RTN4RL1: variants seen among roughly 807,000 people sequenced by gnomAD.
RTN4RL1 encodes the protein reticulon 4 receptor like 1.
Under a neutral mutation model 25.6 loss-of-function variants are expected in RTN4RL1, and 7 were observed. The observed-to-expected ratio is 0.27, with a 90% CI of 0.16 to 0.51. RTN4RL1 has a LOEUF of 0.51. Ranked by LOEUF, RTN4RL1 falls within the 20% of genes least tolerant of loss-of-function variation. RTN4RL1 has a pLI of 0.97. For synonymous variants in RTN4RL1, 297 were observed against 288.2 expected, an observed-to-expected ratio of 1.03 and a Z score of -0.31; for missense variants, 500 against 615.6, an observed-to-expected ratio of 0.81 and a Z score of 1.99.
intron 1 of RTN4RL1, among the ~76,000 whole-genome samples, chr17:1,978,636 G>GT (rs2066853865): frequency 2.0e-5 from 3 of 152,090 alleles, no homozygotes; most frequent in Admixed American, 2.0e-4. Context: ...CGGAAAATGG[G>GT]GGGGGTGGAG....
chr17:1,970,078 A>C (rs7223572), intron 1 of RTN4RL1, among the ~76,000 whole-genome samples: 52 of 148,780 alleles, frequency 3.5e-4, no homozygotes, highest in Middle Eastern at 3.5e-3. Flanking sequence ...CTGGAGTGCA[A>C]TGGCGCAATC....
intron 1 of RTN4RL1, among the ~76,000 whole-genome samples, chr17:2,001,881 C>G (rs1024271213): frequency 2.6e-5 from 4 of 152,150 alleles, no homozygotes; most frequent in African/African-American, 9.7e-5. Context: ...GCAGCATCAG[C>G]TCCCCCCGTC....
intron 1 of RTN4RL1, among the ~76,000 whole-genome samples, chr17:1,999,680 C>CA (rs386385438): frequency 0.039 from 5,875 of 151,576 alleles, 193 homozygotes; most frequent in African/African-American, 0.09. Flanking sequence ...CATGCCCCCC[C>CA]CACACACACA....
chr17:2,000,166 G>A (rs1481753183), intron 1 of RTN4RL1, among the ~76,000 whole-genome samples: 2 of 152,248 alleles, frequency 1.3e-5, no homozygotes, highest in Admixed American at 1.3e-4. Context: ...AGCAGCCACC[G>A]CTGCCCCAGG....
intron 1 of RTN4RL1, among the ~76,000 whole-genome samples, chr17:2,009,495 G>A (rs1330957142): frequency 1.6e-5 from 2 of 122,972 alleles, no homozygotes; most frequent in African/African-American, 6.3e-5. Context: ...GAGAGGCTGA[G>A]GTAGGAGAAT....
intron 1 of RTN4RL1, among the ~76,000 whole-genome samples, chr17:2,024,293 C>T (rs2067246694): frequency 6.6e-6 from 1 of 152,220 alleles, no homozygotes; most frequent in African/African-American, 2.4e-5. Context: ...CAGGCGCTGG[C>T]CGCTCCCCAC....
chr17:1,994,068 G>A lies in RTN4RL1; in HGVS notation c.13+30785C>T, dbSNP rs1042519604. Among the ~76,000 whole-genome samples, 7 of 151,904 alleles carry A rather than the reference G, an allele frequency of 4.6e-5. No individual in the cohort carries two copies. The highest frequency in any genetic ancestry group is 1.5e-4 in the African/African-American group (6 of 41,318). On this transcript the variant is annotated intron_variant, in intron 1 of 1. Coordinates refer to ENST00000331238, the MANE Select transcript of RTN4RL1 (RefSeq NM_178568.4). This position sits in a 1 kb window ranked among gnomAD's most constrained non-coding sequence, Gnocchi z 4.3. ...ACCCCCGGCTACGCTGAACCACCCC[G>A]TTCCTCAGGACACGTGCACTCGAAC... is the stretch of plus-strand genomic sequence containing the variant.
At chr17:2,007,848 A>T (rs1011662051) in intron 1 of RTN4RL1, among the ~76,000 whole-genome samples, 1 of 152,156 alleles carries the variant, frequency 6.6e-6, no homozygotes, top group African/African-American at 2.4e-5. Flanking sequence ...CAGGAGGCTG[A>T]GGCAGGAGAA....
intron 1 of RTN4RL1, among the ~76,000 whole-genome samples, chr17:1,997,206 C>T (rs745956100): frequency 3.9e-5 from 6 of 152,222 alleles, no homozygotes; most frequent in Non-Finnish European, 7.3e-5. Context: ...AGGGATCTGC[C>T]GCTCACTACC....
At chr17:2,021,551 CTTT>C (rs767770637) in intron 1 of RTN4RL1, among the ~76,000 whole-genome samples, 1 of 106,190 alleles carries the variant, frequency 9.4e-6, no homozygotes. Context: ...CATCCTATAC[CTTT>C]TTTTTTTTTT....
At chr17:2,008,458 T>C (rs2067017498) in intron 1 of RTN4RL1, among the ~76,000 whole-genome samples, 1 of 152,134 alleles carries the variant, frequency 6.6e-6, no homozygotes, top group African/African-American at 2.4e-5. Flanking sequence ...GATTATGAAA[T>C]GCACGAACAC....
chr17:1,947,787 G>A (rs956528635), intron 1 of RTN4RL1, among the ~76,000 whole-genome samples: 1 of 152,192 alleles, frequency 6.6e-6, no homozygotes, highest in African/African-American at 2.4e-5. Context: ...CTGGCACTCT[G>A]ACAGCTCTGG....
intron 1 of RTN4RL1, among the ~76,000 whole-genome samples, chr17:1,976,638 T>C (rs535804581): frequency 4.9e-4 from 75 of 152,240 alleles, no homozygotes; most frequent in African/African-American, 1.8e-3. Context: ...TTTATCTGAG[T>C]ACCTAGTTAC....
intron 1 of RTN4RL1, among the ~76,000 whole-genome samples, chr17:1,995,935 G>T (rs2066927742): frequency 6.6e-6 from 1 of 152,224 alleles, no homozygotes; most frequent in South Asian, 2.1e-4. Context: ...TGGGTCAACA[G>T]GCCCGCTTAG....
chr17:2,017,686 C>CACAT (rs753882838), intron 1 of RTN4RL1: 1 of 33,454 alleles, frequency 3.0e-5, no homozygotes, highest in Non-Finnish European at 5.4e-5. Flanking sequence ...TGTACATACA[C>CACAT]ACACACACAC....
intron 1 of RTN4RL1, among the ~76,000 whole-genome samples, chr17:1,973,090 C>A (rs1057347396): frequency 5.3e-5 from 8 of 152,178 alleles, no homozygotes; most frequent in African/African-American, 1.4e-4. Context: ...AGGCTGGGCA[C>A]GGCGGCTCAT....
intron 1 of RTN4RL1, among the ~76,000 whole-genome samples, chr17:1,954,603 G>A (rs1049531368): frequency 6.6e-6 from 1 of 152,006 alleles, no homozygotes; most frequent in African/African-American, 2.4e-5. Flanking sequence ...GGCCAGGCTG[G>A]TCTCGAACTC....
At chr17:1,954,112 G>T (rs147283100) in intron 1 of RTN4RL1, among the ~76,000 whole-genome samples, 1 of 152,328 alleles carries the variant, frequency 6.6e-6, no homozygotes, top group East Asian at 1.9e-4. Flanking sequence ...TCTTGTCATA[G>T]AACATGGTAG....
intron 1 of RTN4RL1, among the ~76,000 whole-genome samples, chr17:1,971,567 C>A (rs994031352): frequency 6.6e-6 from 1 of 152,220 alleles, no homozygotes; most frequent in African/African-American, 2.4e-5. Context: ...TGGTGGCTCA[C>A]ACCTGTAATC....
Sources: allele counts gnomAD v4.1 joint callset (sites outside exome capture counted in the v4.1 genomes callset), GRCh38; gene constraint gnomAD v4.1.1; non-coding constraint Gnocchi (gnomAD v3.1); transcripts MANE v1.5; gene names NCBI Gene and HGNC (gene_info 2026-07-23, HGNC 2026-07-21).